Variants in EYA1 observed in about 807,000 individuals in gnomAD.
EYA1 encodes protein phosphatase EYA1.
In EYA1, 16 loss-of-function variants were observed where a neutral mutation model predicts 82.0. That is an observed-to-expected ratio of 0.20 (90% CI 0.13 to 0.30). The LOEUF is 0.30. Among genes scored for constraint, EYA1 ranks in the 10% least tolerant of loss-of-function variants. The probability of loss-of-function intolerance (pLI) is 1.00; values close to 1 mark genes in which losing one functional copy is unlikely to be tolerated. For missense variants in EYA1, 633 were observed against 730.7 expected (o/e 0.87, Z 1.54); for synonymous variants, 261 against 264.4 (o/e 0.99, Z 0.12).
chr8:71,335,748 G>C (rs1292047552), intron 3 of EYA1, among the ~76,000 whole-genome samples: 1 of 151,988 alleles, frequency 6.6e-6, no homozygotes, highest in East Asian at 1.9e-4. Flanking sequence ...CTAGCACACA[G>C]TTTCTAAGTT....
intron 2 of EYA1, among the ~76,000 whole-genome samples, chr8:71,407,783 G>A (rs1374320780): frequency 7.0e-6 from 1 of 142,436 alleles, no homozygotes; most frequent in Non-Finnish European, 1.6e-5. Flanking sequence ...ATGGAACCAA[G>A]TTGGAAAACA....
intron 4 of EYA1, among the ~76,000 whole-genome samples, chr8:71,328,852 C>G (rs1823470901): frequency 6.6e-6 from 1 of 152,174 alleles, no homozygotes; most frequent in Non-Finnish European, 1.5e-5. Context: ...CTTCAGTCAT[C>G]AAGCTCAAGA....
intron 2 of EYA1, among the ~76,000 whole-genome samples, chr8:71,487,840 G>C (rs1026043384): frequency 1.3e-5 from 2 of 152,192 alleles, no homozygotes; most frequent in African/African-American, 4.8e-5. Context: ...TGAAGACATG[G>C]AGCAATTGGA....
chr8:71,249,948 C>T (rs1469276730), intron 11 of EYA1, among the ~76,000 whole-genome samples: 1 of 152,142 alleles, frequency 6.6e-6, no homozygotes, highest in Non-Finnish European at 1.5e-5. Context: ...CTCTTTTTAG[C>T]CCCATATTGA....
chr8:71,213,885 C>T (rs1261961648), intron 16 of EYA1, among the ~76,000 whole-genome samples: 1 of 152,224 alleles, frequency 6.6e-6, no homozygotes, highest in Non-Finnish European at 1.5e-5. Flanking sequence ...TCAACAAATT[C>T]ATCTCTACAT....
chr8:71,333,731 A>G (rs998057702), intron 4 of EYA1, among the ~76,000 whole-genome samples: 19 of 152,218 alleles, frequency 1.2e-4, no homozygotes, highest in African/African-American at 4.3e-4. Flanking sequence ...TTAGAAGCGT[A>G]AAACACCAAA....
intron 2 of EYA1, among the ~76,000 whole-genome samples, chr8:71,460,349 C>T (rs1391417186): frequency 6.6e-6 from 1 of 152,248 alleles, no homozygotes; most frequent in South Asian, 2.1e-4. Flanking sequence ...TAAAAGTTTC[C>T]AGATGATTCG....
chr8:71,413,115 TAA>T (rs1830693489), intron 2 of EYA1, among the ~76,000 whole-genome samples: 1 of 151,982 alleles, frequency 6.6e-6, no homozygotes, highest in Non-Finnish European at 1.5e-5. Flanking sequence ...CACATTATTA[TAA>T]GGATGATATT....
At chr8:71,466,751 C>A (rs570326268) in intron 2 of EYA1, among the ~76,000 whole-genome samples, 142 of 152,036 alleles carry the variant, frequency 9.3e-4, no homozygotes, top group Non-Finnish European at 1.7e-3. Context: ...AATAATAGAG[C>A]AAGAAGATTT....
At chr8:71,284,126 G>C (rs547170009) in intron 9 of EYA1, among the ~76,000 whole-genome samples, 1 of 152,230 alleles carries the variant, frequency 6.6e-6, no homozygotes, top group Admixed American at 6.5e-5. Context: ...GAGACAGGCT[G>C]TGCAGCCTCT....
intron 3 of EYA1, among the ~76,000 whole-genome samples, chr8:71,342,901 G>A (rs1405919931): frequency 6.6e-6 from 1 of 152,138 alleles, no homozygotes; most frequent in African/African-American, 2.4e-5. Context: ...CTTAAGACAG[G>A]TGTCATAGTC....
chr8:71,237,296 C>G (rs1811962154), intron 12 of EYA1, among the ~76,000 whole-genome samples: 1 of 152,112 alleles, frequency 6.6e-6, no homozygotes, highest in Non-Finnish European at 1.5e-5. Context: ...GTGATCCGCC[C>G]TGATTGATTA....
chr8:71,271,863 A>T lies in EYA1; in HGVS notation c.861T>A (p.Ile287=). 1 of 1,614,160 alleles carries T rather than the reference A, an allele frequency of 6.2e-7. No individual in the cohort carries two copies. The highest frequency in any genetic ancestry group is 8.5e-7 in the Non-Finnish European group (1 of 1,180,020). ...GCAATCGATCAGAATCTGAATCTTT[A>T]ATGGGTGTTGATGGGCTGTGGATTG... ...YSTIHSPSTP[I]KDSDSDRLRR... The change falls in exon 10 of 18, where the codon ATT becomes ATA. Residue 287 remains isoleucine (I), a synonymous_variant. Transcript: ENST00000340726.
At chr8:71,206,791 T>TATC (rs1228392909) in intron 17 of EYA1, among the ~76,000 whole-genome samples, 1 of 152,124 alleles carries the variant, frequency 6.6e-6, no homozygotes, top group Non-Finnish European at 1.5e-5. Context: ...GATCTCATTC[T>TATC]ATCATCCCAG....
At chr8:71,318,932 G>C (rs1004807636) in intron 6 of EYA1, among the ~76,000 whole-genome samples, 1 of 152,058 alleles carries the variant, frequency 6.6e-6, no homozygotes, top group African/African-American at 2.4e-5. Flanking sequence ...CTGTAAAGGT[G>C]ATCCCAAACC....
At chr8:71,435,404 T>C (rs1490250709) in intron 2 of EYA1, among the ~76,000 whole-genome samples, 1 of 151,998 alleles carries the variant, frequency 6.6e-6, no homozygotes, top group Non-Finnish European at 1.5e-5. Flanking sequence ...GATTCATATA[T>C]AAATATATTT....
chr8:71,523,575 T>A (rs1414096671), intron 2 of EYA1, among the ~76,000 whole-genome samples: 2 of 152,220 alleles, frequency 1.3e-5, no homozygotes, highest in East Asian at 3.8e-4. Flanking sequence ...AAAGTTAATG[T>A]AACTTTCAAA....
rs115298412 is a variant in EYA1 at position 71,278,251 on chromosome 8, A to G, written c.827-6354T>C. Among the ~76,000 whole-genome samples the G allele has an allele frequency of 2.9e-3, 447 of 152,340 alleles. 1 individual carries two copies. Among genetic ancestry groups the G allele is most frequent in the African/African-American group, 0.01 (425 of 41,582 alleles). On this transcript the variant is annotated intron_variant, in intron 9 of 17. Coordinates refer to ENST00000340726, the MANE Select transcript of EYA1 (RefSeq NM_000503.6). ...AGATTAGTTACCTTCATATTAATCT[A>G]TATAAAAGATCTCAGGCAACTCCAA...
intron 6 of EYA1, among the ~76,000 whole-genome samples, chr8:71,320,390 G>C (rs1419042993): frequency 6.6e-6 from 1 of 152,190 alleles, no homozygotes; most frequent in East Asian, 1.9e-4. Flanking sequence ...TTTTGAGAAC[G>C]TAAATCAAAG....
Sources: allele counts gnomAD v4.1 joint callset (sites outside exome capture counted in the v4.1 genomes callset), GRCh38; gene constraint gnomAD v4.1.1; transcripts MANE v1.5; gene names NCBI Gene and HGNC (gene_info 2026-07-23, HGNC 2026-07-21).